KCNJ6: variants seen among roughly 807,000 people sequenced by gnomAD.
KCNJ6 encodes the protein potassium inwardly rectifying channel subfamily J member 6.
A neutral mutation model predicts 34.2 loss-of-function variants in KCNJ6; 9 were observed. That is an observed-to-expected ratio of 0.26 (90% CI 0.16 to 0.46). KCNJ6 has a LOEUF of 0.46. Ranked by LOEUF, KCNJ6 falls within the 20% of genes least tolerant of loss-of-function variation. The probability of loss-of-function intolerance (pLI) is 1.00; values close to 1 mark genes in which losing one functional copy is unlikely to be tolerated. For synonymous variants in KCNJ6, 196 were observed against 207.1 expected, an observed-to-expected ratio of 0.95 and a Z score of 0.46; for missense variants, 236 against 531.3, an observed-to-expected ratio of 0.44 and a Z score of 5.46.
chr21:37,894,997 T>G (rs1282635913), intron 1 of KCNJ6, among the ~76,000 whole-genome samples: 1 of 152,182 alleles, frequency 6.6e-6, no homozygotes. Flanking sequence ...GGTCTCAAAC[T>G]CCTAGGTTCA....
At chr21:37,698,884 A>T (rs1444493217) in intron 3 of KCNJ6, among the ~76,000 whole-genome samples, 1 of 152,058 alleles carries the variant, frequency 6.6e-6, no homozygotes, top group Admixed American at 6.6e-5. Context: ...TTTTTAGTAG[A>T]GATGGGGTTT....
chr21:37,882,478 T>C (rs145306142), intron 1 of KCNJ6, among the ~76,000 whole-genome samples: 4 of 152,288 alleles, frequency 2.6e-5, no homozygotes, highest in African/African-American at 4.8e-5. Context: ...TCTTCAATGC[T>C]CCTTTATGTG....
chr21:37,769,381 T>C (rs2055106704), intron 2 of KCNJ6, among the ~76,000 whole-genome samples: 1 of 151,606 alleles, frequency 6.6e-6, no homozygotes, highest in Non-Finnish European at 1.5e-5. Flanking sequence ...AAGACTTAAG[T>C]AAGACCTGAT....
chr21:37,691,716 G>C (rs903444681), intron 3 of KCNJ6, among the ~76,000 whole-genome samples: 6 of 152,188 alleles, frequency 3.9e-5, no homozygotes, highest in Admixed American at 6.5e-5. Context: ...GGGATATAGT[G>C]AGACATGGTT....
intron 1 of KCNJ6, among the ~76,000 whole-genome samples, chr21:37,888,691 C>T (rs946669189): frequency 1.3e-5 from 2 of 152,158 alleles, no homozygotes; most frequent in Non-Finnish European, 2.9e-5. Context: ...AGATACGAGC[C>T]CATGGGTGAG....
chr21:37,757,775 A>G (rs2055038358), intron 2 of KCNJ6, among the ~76,000 whole-genome samples: 1 of 152,258 alleles, frequency 6.6e-6, no homozygotes, highest in African/African-American at 2.4e-5. Context: ...CCTATTACGG[A>G]GAAGAGAACA....
In KCNJ6 at chr21:37,874,510, T is replaced by G. The variant is rs79894177; in HGVS notation, c.-27-33801A>C. ...TCACCTGACCAAAACTGAACTTTGA[T>G]ACTAGTCTGGATTTAATGTCATTTA... On this transcript the variant is annotated intron_variant, in intron 1 of 3. Coordinates refer to ENST00000609713, the MANE Select transcript of KCNJ6 (RefSeq NM_002240.5). Among the ~76,000 whole-genome samples, 576 of 152,326 alleles carry G rather than the reference T, an allele frequency of 3.8e-3. 5 individuals are homozygous for G. Among genetic ancestry groups the G allele is most frequent in the African/African-American group, 0.013 (526 of 41,564 alleles).
At chr21:37,902,851 AC>A (rs2055823490) in intron 1 of KCNJ6, among the ~76,000 whole-genome samples, 1 of 152,210 alleles carries the variant, frequency 6.6e-6, no homozygotes, top group African/African-American at 2.4e-5. Flanking sequence ...TGGACATCTA[AC>A]TCAAGAAGCC....
chr21:37,888,964 G>C (rs188727504), intron 1 of KCNJ6, among the ~76,000 whole-genome samples: 1 of 152,198 alleles, frequency 6.6e-6, no homozygotes, highest in Non-Finnish European at 1.5e-5. Context: ...CAGAAGTTGA[G>C]ACCTCAGGCC....
chr21:37,911,326 C>T (rs2055866220), intron 1 of KCNJ6, among the ~76,000 whole-genome samples: 1 of 152,088 alleles, frequency 6.6e-6, no homozygotes, highest in Admixed American at 6.5e-5. Context: ...ACTAACTCAA[C>T]AAAAGTGTTT....
intron 2 of KCNJ6, among the ~76,000 whole-genome samples, chr21:37,752,944 C>CAG (rs1404481765): frequency 1.3e-5 from 2 of 152,160 alleles, no homozygotes; most frequent in African/African-American, 2.4e-5. Context: ...AATCCACACA[C>CAG]AGGTGTCCAA....
intron 2 of KCNJ6, among the ~76,000 whole-genome samples, chr21:37,782,310 G>A (rs1248279486): frequency 6.6e-6 from 1 of 152,212 alleles, no homozygotes; most frequent in Admixed American, 6.5e-5. Flanking sequence ...AGAACTGGCA[G>A]AAGCAAAATT....
chr21:37,663,712 A>G (rs2054500691), intron 3 of KCNJ6, among the ~76,000 whole-genome samples: 2 of 152,234 alleles, frequency 1.3e-5, no homozygotes, highest in African/African-American at 4.8e-5. Flanking sequence ...ATATACATCT[A>G]ATAATACAGT....
chr21:37,658,350 G>A (rs1004959018), intron 3 of KCNJ6, among the ~76,000 whole-genome samples: 5 of 152,226 alleles, frequency 3.3e-5, no homozygotes, highest in Admixed American at 3.3e-4. Context: ...CTACCCACGT[G>A]GGGGAATTTC....
chr21:37,826,899 C>A (rs1001346141), intron 2 of KCNJ6, among the ~76,000 whole-genome samples: 13 of 152,068 alleles, frequency 8.5e-5, no homozygotes, highest in African/African-American at 3.1e-4. Flanking sequence ...TCGTTTTGTC[C>A]TTTTCACGTC....
At chr21:37,890,078 C>T (rs2055754992) in intron 1 of KCNJ6, among the ~76,000 whole-genome samples, 1 of 152,140 alleles carries the variant, frequency 6.6e-6, no homozygotes, top group South Asian at 2.1e-4. Context: ...TCTCATACTG[C>T]TAATAAAGAC....
At chr21:37,872,807 G>A (rs1170267531) in intron 1 of KCNJ6, among the ~76,000 whole-genome samples, 2 of 152,150 alleles carry the variant, frequency 1.3e-5, no homozygotes, top group African/African-American at 4.8e-5. Flanking sequence ...CTGGTCGGAG[G>A]TAATTGAACC....
chr21:37,756,268 G>A (rs1302364470), intron 2 of KCNJ6, among the ~76,000 whole-genome samples: 2 of 152,212 alleles, frequency 1.3e-5, no homozygotes, highest in Admixed American at 6.5e-5. Context: ...TACCACAGAT[G>A]ACCATTCATT....
intron 2 of KCNJ6, among the ~76,000 whole-genome samples, chr21:37,779,839 T>C (rs927124039): frequency 3.9e-5 from 6 of 152,226 alleles, no homozygotes; most frequent in African/African-American, 1.4e-4. Context: ...CTTCTACCCT[T>C]GAAATAAGAA....
Sources: gnomAD v4.1 joint callset for allele counts (sites outside exome capture counted in the v4.1 genomes callset) on GRCh38, gnomAD v4.1.1 for gene constraint, MANE v1.5 for transcripts, NCBI Gene and HGNC (gene_info 2026-07-23, HGNC 2026-07-21) for gene names.